Variants in LRRC49 observed in about 807,000 individuals in gnomAD.
LRRC49 encodes leucine rich repeat containing 49.
In LRRC49, 50 loss-of-function variants were observed where a neutral mutation model predicts 83.3. The observed-to-expected ratio is 0.60, with a 90% CI of 0.48 to 0.76. The LOEUF (loss-of-function observed/expected upper bound fraction) is 0.76, where lower values mean the gene tolerates loss of function less well. Among genes scored for constraint, LRRC49 ranks in the 30% least tolerant of loss-of-function variants. The probability of loss-of-function intolerance (pLI) is 0.00; values close to 1 mark genes in which losing one functional copy is unlikely to be tolerated. For synonymous variants in LRRC49, 286 were observed against 283.3 expected, an observed-to-expected ratio of 1.01 and a Z score of -0.10; for missense variants, 704 against 809.1, an observed-to-expected ratio of 0.87 and a Z score of 1.58.
intron 1 of LRRC49, among the ~76,000 whole-genome samples, chr15:70,858,446 A>C (rs534613705): frequency 1.3e-5 from 2 of 152,304 alleles, no homozygotes; most frequent in East Asian, 3.9e-4. Context: ...TACTAAAAAT[A>C]CAAAAAAATT....
intron 15 of LRRC49, chr15:71,048,977 ATACT>A (rs1183879181): frequency 2.6e-6 from 1 of 381,112 alleles, no homozygotes; most frequent in Non-Finnish European, 5.1e-6. Flanking sequence ...CAGAGTATAC[ATACT>A]TAAAGTATTA....
intron 8 of LRRC49, among the ~76,000 whole-genome samples, chr15:70,956,917 C>G (rs1247317154): frequency 1.3e-5 from 2 of 152,166 alleles, no homozygotes; most frequent in African/African-American, 4.8e-5. Context: ...ATAGTACTTG[C>G]TGAGGACTGC....
chr15:70,877,844 T>C (rs2033183411), intron 2 of LRRC49, among the ~76,000 whole-genome samples: 1 of 152,358 alleles, frequency 6.6e-6, no homozygotes, highest in South Asian at 2.1e-4. Context: ...TTTAAATTCT[T>C]TGTGGCTGGG....
At chr15:70,937,334 T>C (rs1165508677) in intron 8 of LRRC49, among the ~76,000 whole-genome samples, 1 of 152,182 alleles carries the variant, frequency 6.6e-6, no homozygotes, top group Non-Finnish European at 1.5e-5. Context: ...ATAAATTTAG[T>C]TTTCTAACTA....
intron 3 of LRRC49, chr15:70,900,407 A>G: frequency 2.2e-6 from 1 of 453,888 alleles, no homozygotes; most frequent in South Asian, 1.6e-5. Context: ...GCTATCCAAA[A>G]CTACTTTTTG....
At chr15:70,950,252 A>G (rs1182228837) in intron 8 of LRRC49, among the ~76,000 whole-genome samples, 1 of 152,094 alleles carries the variant, frequency 6.6e-6, no homozygotes, top group Non-Finnish European at 1.5e-5. Flanking sequence ...TGTTGTAAAT[A>G]GTGCTGTGAT....
intron 9 of LRRC49, among the ~76,000 whole-genome samples, chr15:70,975,840 G>A (rs1049716796): frequency 6.6e-6 from 1 of 151,562 alleles, no homozygotes; most frequent in African/African-American, 2.4e-5. Flanking sequence ...TTTCTGTTTT[G>A]GTAGACATTA....
At chr15:70,870,552 G>A (rs935678506) in intron 1 of LRRC49, among the ~76,000 whole-genome samples, 6 of 125,034 alleles carry the variant, frequency 4.8e-5, no homozygotes, top group Non-Finnish European at 7.2e-5. Context: ...GAGCAATGGC[G>A]TGATCTTGGC....
chr15:70,859,549 G>A, intron 1 of LRRC49: 1 of 670,880 alleles, frequency 1.5e-6, no homozygotes, highest in Non-Finnish European at 2.8e-6. Flanking sequence ...CGGAGGCTGA[G>A]AGCATGCACC....
chr15:70,994,137 G>A lies in LRRC49; in HGVS notation c.1169+9880G>A, dbSNP rs62019106. On this transcript the variant is annotated intron_variant, in intron 11 of 15. Transcript: ENST00000260382. ...GCTAGGATTACAGGCTTGAGCCACC[G>A]CACATGGCCTCAAACTTATTTTTAT... Among the ~76,000 whole-genome samples the A allele has an allele frequency of 9.7e-3, 1,480 of 152,214 alleles. 14 individuals carry two copies. The highest frequency in any genetic ancestry group is 0.016 in the Non-Finnish European group (1,072 of 68,012).
At chr15:70,930,482 A>C (rs1279729450) in intron 7 of LRRC49, among the ~76,000 whole-genome samples, 2 of 152,138 alleles carry the variant, frequency 1.3e-5, no homozygotes, top group African/African-American at 2.4e-5. Flanking sequence ...GGGCCATAGG[A>C]TTTTCACAAT....
chr15:70,873,080 TC>T, exon 2 of LRRC49: 1 of 728,802 alleles, frequency 1.4e-6, no homozygotes, highest in Non-Finnish European at 2.4e-6. Flanking sequence ...AGGCGGGGTT[TC>T]ACCATCTTGG....
chr15:70,865,968 T>C (rs1233540407), intron 1 of LRRC49, among the ~76,000 whole-genome samples: 1 of 152,208 alleles, frequency 6.6e-6, no homozygotes, highest in African/African-American at 2.4e-5. Flanking sequence ...ATCCTGTGTT[T>C]ATACTCTTGC....
chr15:70,853,789 C>T (rs2032559212), intron 1 of LRRC49: 7 of 908,010 alleles, frequency 7.7e-6, no homozygotes, highest in Non-Finnish European at 1.0e-5. Flanking sequence ...GACTCAACCC[C>T]CTCTGCCCGA....
rs150645325 is a variant in LRRC49, at chr15:71,027,561, C to T, written c.1704-9618C>T. ...TATGGCCATTTTCATGATATTGATT[C>T]CTTCTATCCATGAGCATGGAATATT... On this transcript the variant is annotated intron_variant, in intron 14 of 15. Coordinates refer to ENST00000260382, the MANE Select transcript of LRRC49 (RefSeq NM_017691.5). Among the ~76,000 whole-genome samples, 525 of 152,214 alleles carry T rather than the reference C, an allele frequency of 3.4e-3. 2 individuals carry two copies. The highest frequency in any genetic ancestry group is 0.012 in the African/African-American group (515 of 41,534).
At chr15:71,025,848 A>C (rs1195391094) in intron 14 of LRRC49, among the ~76,000 whole-genome samples, 1 of 152,202 alleles carries the variant, frequency 6.6e-6, no homozygotes, top group Non-Finnish European at 1.5e-5. Context: ...ATATGCACCC[A>C]ATACAGGAGC....
chr15:70,856,639 C>CT (rs2032660773), intron 1 of LRRC49, among the ~76,000 whole-genome samples: 1 of 152,160 alleles, frequency 6.6e-6, no homozygotes, highest in Non-Finnish European at 1.5e-5. Context: ...AGAATAATGC[C>CT]TAGAGGAGCG....
At chr15:71,004,745 A>G (rs1264159298) in intron 11 of LRRC49, among the ~76,000 whole-genome samples, 2 of 152,160 alleles carry the variant, frequency 1.3e-5, no homozygotes, top group African/African-American at 2.4e-5. Context: ...TGTTATTTTC[A>G]GGGACATGGA....
intron 1 of LRRC49, among the ~76,000 whole-genome samples, chr15:70,867,445 A>G (rs1347856973): frequency 6.6e-6 from 1 of 152,126 alleles, no homozygotes; most frequent in Non-Finnish European, 1.5e-5. Context: ...CCATTTTTGG[A>G]GCAATTACTG....
Sources: gnomAD v4.1 joint callset for allele counts (sites outside exome capture counted in the v4.1 genomes callset) on GRCh38, gnomAD v4.1.1 for gene constraint, MANE v1.5 for transcripts, NCBI Gene and HGNC (gene_info 2026-07-23, HGNC 2026-07-21) for gene names.